The following ANK2 variants were observed in gnomAD, a reference collection of about 807,000 sequenced individuals.
The protein encoded by ANK2 is ankyrin-2.
ANK2 carries 83 observed loss-of-function variants against 360.5 expected under a neutral mutation model. That is an observed-to-expected ratio of 0.23 (90% CI 0.19 to 0.28). The LOEUF (loss-of-function observed/expected upper bound fraction) is 0.28. Among genes scored for constraint, ANK2 ranks in the 10% least tolerant of loss-of-function variants. ANK2 has a pLI of 1.00. For synonymous variants in ANK2, 1,740 were observed against 1,759.5 expected (o/e 0.99, Z 0.28); for missense variants, 4,201 against 4,795.7 (o/e 0.88, Z 3.66).
chr4:112,969,363 G>T (rs2038595826), intron 2 of ANK2, among the ~76,000 whole-genome samples: 1 of 152,170 alleles, frequency 6.6e-6, no homozygotes, highest in African/African-American at 2.4e-5. Flanking sequence ...CATTCATGTA[G>T]GTTGGCCTAG....
intron 2 of ANK2, among the ~76,000 whole-genome samples, chr4:112,993,303 T>G (rs1232278627): frequency 6.6e-6 from 1 of 151,928 alleles, no homozygotes; most frequent in Admixed American, 6.6e-5. Flanking sequence ...ATTTAGTGTA[T>G]ACCTTCCTTT....
At chr4:112,838,959 T>G (rs2061555733) in intron 1 of ANK2, among the ~76,000 whole-genome samples, 1 of 152,204 alleles carries the variant, frequency 6.6e-6, no homozygotes, top group Non-Finnish European at 1.5e-5. Flanking sequence ...AGGCCTTAGC[T>G]TTAGTCTTCA....
At chr4:113,351,336 T>A (rs1041783265) in intron 37 of ANK2, among the ~76,000 whole-genome samples, 1 of 152,164 alleles carries the variant, frequency 6.6e-6, no homozygotes, top group East Asian at 1.9e-4. Context: ...AATTTACTAC[T>A]AAGTTATGGA....
At chr4:113,289,666 A>G (rs1202516494) in intron 20 of ANK2, among the ~76,000 whole-genome samples, 1 of 152,238 alleles carries the variant, frequency 6.6e-6, no homozygotes, top group Non-Finnish European at 1.5e-5. Flanking sequence ...CAGAAACAAA[A>G]TCATTTCTAT....
chr4:113,192,206 C>T (rs1364186130), intron 2 of ANK2, among the ~76,000 whole-genome samples: 1 of 152,140 alleles, frequency 6.6e-6, no homozygotes, highest in Admixed American at 6.6e-5. Flanking sequence ...TCTAAATGTC[C>T]ATTATCCTCC....
At chr4:112,992,375 C>T (rs1249168571) in intron 2 of ANK2, among the ~76,000 whole-genome samples, 2 of 152,070 alleles carry the variant, frequency 1.3e-5, no homozygotes, top group Non-Finnish European at 2.9e-5. Flanking sequence ...AACTCCTGAC[C>T]TCAAGTGATC....
chr4:113,237,753 C>A, intron 7 of ANK2, 131 bp downstream of exon 7: 1 of 849,502 alleles, frequency 1.2e-6, no homozygotes, highest in Non-Finnish European at 2.0e-6. Flanking sequence ...TGAAAACCTT[C>A]CCCATAATGA....
chr4:113,206,979 G>A (rs773434085), intron 4 of ANK2, among the ~76,000 whole-genome samples: 26 of 152,144 alleles, frequency 1.7e-4, no homozygotes, highest in Non-Finnish European at 2.8e-4. Flanking sequence ...AGCTGAGATC[G>A]CTGCACTGCA....
chr4:113,369,768 C>A lies in ANK2; in HGVS notation c.11573C>A (p.Thr3858Asn). Reference protein sequence around the residue: ...IVESADNQPETCERLDEDAAF... With the variant: ...IVESADNQPENCERLDEDAAF... ...GAGTCTGCCGATAACCAGCCTGAGACCTGTGAAAGACTCGATGAAGATGCA... is the reference window on the plus strand; with the variant it reads ...GAGTCTGCCGATAACCAGCCTGAGAACTGTGAAAGACTCGATGAAGATGCA... The change falls in exon 43 of 46, where the codon ACC becomes AAC. Residue 3858 changes from threonine (T) to asparagine (N), a missense_variant. By Grantham distance (65) the Thr-to-Asn change is moderately conservative. Around this residue, in one of 4 missense-constraint regions of ANK2, gnomAD observed 2,642 missense variants for 2,714.5 expected, o/e 0.97. Transcript: ENST00000357077. 1 of 1,614,056 alleles carries A rather than the reference C, an allele frequency of 6.2e-7. No homozygotes were observed. Among genetic ancestry groups the A allele is most frequent in the South Asian group, 1.1e-5 (1 of 91,070 alleles).
chr4:113,161,690 A>T, intron 1 of ANK2, among the ~76,000 whole-genome samples: 1 of 140,268 alleles, frequency 7.1e-6, no homozygotes, highest in South Asian at 2.3e-4. Context: ...ATTTTGTTTT[A>T]GTCTCGTGTG....
intron 1 of ANK2, among the ~76,000 whole-genome samples, chr4:113,094,276 A>T (rs2089957199): frequency 6.6e-6 from 1 of 152,192 alleles, no homozygotes; most frequent in East Asian, 1.9e-4. Flanking sequence ...TCTCTTAAAA[A>T]CTGAGGAGTG....
intron 2 of ANK2, among the ~76,000 whole-genome samples, chr4:113,004,905 T>C (rs1578824822): frequency 6.6e-6 from 1 of 152,194 alleles, no homozygotes; most frequent in African/African-American, 2.4e-5. Context: ...GTGTCCATCA[T>C]TGACTGAAAT....
At chr4:113,292,994 G>A in intron 21 of ANK2, 1 of 356,318 alleles carries the variant, frequency 2.8e-6, no homozygotes, top group Non-Finnish European at 5.5e-6. Context: ...TTGCTGCACA[G>A]TGAGCTTCTG....
rs538823020 is a variant in ANK2, at chr4:112,963,470, T to G, written c.21+58956T>G. On this transcript the variant is annotated intron_variant, in intron 2 of 30. Transcript: ENST00000503271. ...AGATTACTTAGATTGTAGTCATTCT[T>G]GAAATTACAGAAATAATTTATTGGT... Among the ~76,000 whole-genome samples, 8 of 152,304 alleles carry G rather than the reference T, an allele frequency of 5.3e-5. 1 individual carries two copies. In the South Asian group the frequency reaches 1.7e-3, roughly 32 times the overall value.
rs566357035 is a variant in ANK2 at position 113,308,914 on chromosome 4, C to T, written c.2549-2341C>T. ...ATGAGGCTTTGGAGGCAGGGATGGG[C>T]CAGCTTTACACTAGCAGAAATCTTC... On this transcript the variant is annotated intron_variant, in intron 23 of 45. Transcript: ENST00000357077. 6.6e-5 allele frequency among the ~76,000 whole-genome samples: 10 copies of T among 151,616 alleles called. No homozygotes were observed. In the East Asian group the frequency reaches 1.9e-3, roughly 29 times the overall value.
chr4:112,900,829 T>G (rs1233761312), intron 1 of ANK2, among the ~76,000 whole-genome samples: 1 of 152,200 alleles, frequency 6.6e-6, no homozygotes, highest in Non-Finnish European at 1.5e-5. Flanking sequence ...TAGTTTACAT[T>G]GCCTTGATTT....
Position 113,275,149 on chromosome 4 carries a change from T to G in ANK2, c.1683+500T>G, listed in dbSNP as rs2059777288. The stretch of plus-strand genomic sequence containing the variant: ...TCTCATTCCCATATTAGTTTCCAAC[T>G]TTACCAACTACACTTTTGCCTGGGT... On this transcript the variant is annotated intron_variant, in intron 15 of 45. Transcript: ENST00000357077. Among the ~76,000 whole-genome samples, 3 of 152,310 alleles carry G rather than the reference T, an allele frequency of 2.0e-5. No homozygotes were observed. The South Asian group carries it at 6.2e-4, about 32-fold the overall frequency.
chr4:112,962,459 G>A (rs1308846746), intron 2 of ANK2, among the ~76,000 whole-genome samples: 1 of 152,084 alleles, frequency 6.6e-6, no homozygotes, highest in African/African-American at 2.4e-5. Context: ...GGCCACCTAG[G>A]TTGACTCCAT....
At chr4:113,007,149 C>T (rs186840297) in intron 2 of ANK2, among the ~76,000 whole-genome samples, 25 of 152,238 alleles carry the variant, frequency 1.6e-4, no homozygotes, top group Non-Finnish European at 2.5e-4. Context: ...ATGTTATTTA[C>T]TTATTTTAAC....
Sources: allele counts gnomAD v4.1 joint callset (sites outside exome capture counted in the v4.1 genomes callset), GRCh38; gene constraint gnomAD v4.1.1; regional missense constraint gnomAD v4.1.1; transcripts MANE v1.5; gene names NCBI Gene and HGNC (gene_info 2026-07-23, HGNC 2026-07-21).